Variants in NCOR2 observed in about 807,000 individuals in gnomAD.
NCOR2 encodes nuclear receptor corepressor 2.
Under a neutral mutation model 262.9 loss-of-function variants are expected in NCOR2, and 81 were observed. The observed-to-expected ratio is 0.31, with a 90% CI of 0.26 to 0.37. The LOEUF is 0.37. NCOR2 is among the 10% of genes least tolerant of loss of function. The pLI is 1.00. For missense variants in NCOR2, 3,385 were observed against 3,621.4 expected (o/e 0.93, Z 1.68); for synonymous variants, 1,659 against 1,559.3 (o/e 1.06, Z -1.51).
At chr12:124,388,912 C>T (rs1593328993) in intron 16 of NCOR2, 3 of 626,422 alleles carry the variant, frequency 4.8e-6, no homozygotes, top group East Asian at 1.1e-4. Flanking sequence ...GAGGGAGGGA[C>T]GCGGCGGGCG....
intron 44 of NCOR2, chr12:124,328,755 C>A (rs543993346): frequency 1.7e-4 from 31 of 183,748 alleles, no homozygotes; most frequent in Admixed American, 3.0e-4. Flanking sequence ...TCCGACCACT[C>A]GCTCCTTTGT....
chr12:124,506,316 C>T lies in NCOR2; in HGVS notation c.-117-10948G>A, dbSNP rs2049034845. Among the ~76,000 whole-genome samples the T allele has an allele frequency of 3.3e-5, 5 of 152,302 alleles. No individual in the cohort carries two copies. In the South Asian group the frequency reaches 1.0e-3, roughly 32 times the overall value. On this transcript the variant is annotated intron_variant, in intron 1 of 46. Transcript: ENST00000404621. ...CCACGGCCCTGCCAGCCCAGGCGCC[C>T]GCCCTCAGTGAACAGAAAGGGAAGT...
chr12:124,397,209 AG>A, intron 16 of NCOR2, among the ~76,000 whole-genome samples: 1 of 152,282 alleles, frequency 6.6e-6, no homozygotes, highest in Non-Finnish European at 1.5e-5. Context: ...GTGATGCGCC[AG>A]CTCCGACAGC....
chr12:124,410,402 TGGGGA>T (rs2136238159), intron 13 of NCOR2, among the ~76,000 whole-genome samples: 1 of 151,802 alleles, frequency 6.6e-6, no homozygotes, highest in African/African-American at 2.4e-5. Flanking sequence ...CTGCAGGACG[TGGGGA>T]GCCCCCAACT....
intron 1 of NCOR2, among the ~76,000 whole-genome samples, chr12:124,502,094 C>T (rs906826461): frequency 6.6e-6 from 1 of 152,182 alleles, no homozygotes; most frequent in African/African-American, 2.4e-5. Flanking sequence ...GGACTCCTGG[C>T]GCAGAACGGA....
chr12:124,564,075 C>T (rs538697692), intron 1 of NCOR2, among the ~76,000 whole-genome samples: 1 of 152,334 alleles, frequency 6.6e-6, no homozygotes, highest in East Asian at 1.9e-4. Flanking sequence ...AGCAGATTTG[C>T]GTAGAGCACG....
chr12:124,426,759 G>A (rs2043574011), exon 11 of NCOR2: 2 of 1,594,752 alleles, frequency 1.3e-6, no homozygotes, highest in Non-Finnish European at 1.7e-6. Context: ...CGTACAGCAT[G>A]GGCGGGATCA....
At chr12:124,358,599 C>T (rs2038210524) in intron 22 of NCOR2, among the ~76,000 whole-genome samples, 1 of 152,182 alleles carries the variant, frequency 6.6e-6, no homozygotes, top group South Asian at 2.1e-4. Flanking sequence ...CTGCCAGACA[C>T]ATTTTACAGA....
chr12:124,474,856 C>A (rs544277696), intron 3 of NCOR2, among the ~76,000 whole-genome samples: 1 of 152,228 alleles, frequency 6.6e-6, no homozygotes, highest in Non-Finnish European at 1.5e-5. Context: ...GCAGACAAGG[C>A]CCAGAGCAGC....
At chr12:124,552,453 T>C (rs1360834405) in intron 1 of NCOR2, among the ~76,000 whole-genome samples, 1 of 152,356 alleles carries the variant, frequency 6.6e-6, no homozygotes, top group South Asian at 2.1e-4. Context: ...CTTCACTCTG[T>C]GCTCTTCAGC....
At chr12:124,346,908 C>T in intron 30 of NCOR2, 58 bp from the exon 33 acceptor site, 1 of 1,431,090 alleles carries the variant, frequency 7.0e-7, no homozygotes, top group Non-Finnish European at 9.1e-7. Context: ...CATCAAGAGC[C>T]TCCACACCAG....
chr12:124,529,179 C>CCA (rs2050647313), intron 1 of NCOR2, among the ~76,000 whole-genome samples: 1 of 52,182 alleles, frequency 1.9e-5, no homozygotes, highest in Non-Finnish European at 3.4e-5. Context: ...AACTCCGACT[C>CCA]AAAAAAAAAA....
chr12:124,563,211 C>T (rs1334090899), intron 1 of NCOR2, among the ~76,000 whole-genome samples: 1 of 152,204 alleles, frequency 6.6e-6, no homozygotes, highest in African/African-American at 2.4e-5. Flanking sequence ...AATGCTAAAT[C>T]AGCGGCTCTC....
At chr12:124,478,622 G>A (rs997816281) in intron 3 of NCOR2, among the ~76,000 whole-genome samples, 7 of 151,962 alleles carry the variant, frequency 4.6e-5, no homozygotes, top group Admixed American at 1.3e-4. Flanking sequence ...ATCTCTTCAC[G>A]GCCTGGAGCA....
At chr12:124,556,553 T>C (rs1183594878) in intron 1 of NCOR2, 1 of 151,840 alleles carries the variant, frequency 6.6e-6, no homozygotes, top group Non-Finnish European at 1.5e-5. Context: ...GGGGAGAGGG[T>C]GCAATTTTCA....
chr12:124,333,945 G>T (rs12829201), intron 41 of NCOR2, among the ~76,000 whole-genome samples: 7 of 142,430 alleles, frequency 4.9e-5, no homozygotes, highest in East Asian at 2.1e-4. Context: ...CATGTGTGTG[G>T]GTGTGCACGT....
chr12:124,356,560 T>C, intron 23 of NCOR2, 82 bp downstream of exon 25: 1 of 1,212,240 alleles, frequency 8.2e-7, no homozygotes, highest in Non-Finnish European at 1.1e-6. Flanking sequence ...TGCTTCTGTG[T>C]GCAGCTCTGA....
At chr12:124,543,740 G>A (rs2051453240) in intron 1 of NCOR2, among the ~76,000 whole-genome samples, 1 of 152,218 alleles carries the variant, frequency 6.6e-6, no homozygotes, top group Admixed American at 6.5e-5. Context: ...CCTGGCTCAT[G>A]GCCAAGCACG....
At position 124,356,730 on chromosome 12, in the gene NCOR2, G is replaced by A. The variant is rs200441401; in HGVS notation, c.3153C>T (p.Ser1051=). Residue 1051 remains serine, a synonymous_variant, in exon 23 of 47, where the codon TCC becomes TCT. Coordinates refer to ENST00000405201, the Ensembl canonical transcript of NCOR2. The stretch of plus-strand genomic sequence containing the variant: ...GGGGGGGCACGGGGAAGGGCAGGCC[G>A]GAAGTCCAGCAAGGGGGGTCCCCAG... 386 of 1,498,350 alleles carry A rather than the reference G, an allele frequency of 2.6e-4. 2 individuals carry two copies. The African/African-American group carries it at 4.4e-3, about 17-fold the overall frequency. 92.8% of individuals were successfully genotyped at this position (1,498,350 alleles called of 1,614,324 possible).
Sources: allele counts gnomAD v4.1 joint callset (sites outside exome capture counted in the v4.1 genomes callset), GRCh38; gene constraint gnomAD v4.1.1; transcripts MANE v1.5; gene names NCBI Gene and HGNC (gene_info 2026-07-23, HGNC 2026-07-21).